The following FCHO2 variants were observed in gnomAD, a reference collection of about 807,000 sequenced individuals.
FCHO2 encodes FCH and mu domain containing endocytic adaptor 2, also known as F-BAR domain only protein 2.
In FCHO2, 43 loss-of-function variants were observed where a neutral mutation model predicts 114.1. The observed-to-expected ratio is 0.38, with a 90% CI of 0.30 to 0.49. The LOEUF (loss-of-function observed/expected upper bound fraction) is 0.49. Ranked by LOEUF, FCHO2 falls within the 20% of genes least tolerant of loss-of-function variation. The probability of loss-of-function intolerance (pLI) is 0.97; values close to 1 mark genes in which losing one functional copy is unlikely to be tolerated. For synonymous variants in FCHO2, 293 were observed against 315.2 expected, an observed-to-expected ratio of 0.93 and a Z score of 0.75; for missense variants, 807 against 950.4, an observed-to-expected ratio of 0.85 and a Z score of 1.98.
chr5:72,991,055 C>T (rs1222907918), intron 5 of FCHO2, among the ~76,000 whole-genome samples, 191 bp downstream of exon 5: 5 of 152,072 alleles, frequency 3.3e-5, no homozygotes, highest in Non-Finnish European at 7.4e-5. Flanking sequence ...AATAGGTTAG[C>T]GAGCACTAAA....
chr5:72,981,432 T>C (rs1383716223), intron 2 of FCHO2, among the ~76,000 whole-genome samples: 2 of 152,230 alleles, frequency 1.3e-5, no homozygotes, highest in Non-Finnish European at 2.9e-5. Context: ...TTGGGGTTGC[T>C]CTTCTCGAGG....
chr5:73,067,053 A>G (rs1216997335), intron 18 of FCHO2, among the ~76,000 whole-genome samples: 1 of 152,082 alleles, frequency 6.6e-6, no homozygotes, highest in African/African-American at 2.4e-5. Context: ...ATGAGATTTT[A>G]CATTCCTTTT....
intron 11 of FCHO2, among the ~76,000 whole-genome samples, chr5:73,043,157 C>T (rs1248381481): frequency 6.6e-6 from 1 of 151,996 alleles, no homozygotes; most frequent in Non-Finnish European, 1.5e-5. Context: ...GTCTTGACCT[C>T]CTGGCTTCAA....
chr5:72,999,579 C>T (rs1377924772), intron 5 of FCHO2, among the ~76,000 whole-genome samples: 1 of 152,018 alleles, frequency 6.6e-6, no homozygotes, highest in African/African-American at 2.4e-5. Context: ...GATGGGATTT[C>T]ACCTTGTTGG....
At chr5:72,980,087 C>T (rs1263324360) in intron 2 of FCHO2, among the ~76,000 whole-genome samples, 1 of 152,182 alleles carries the variant, frequency 6.6e-6, no homozygotes, top group Non-Finnish European at 1.5e-5. Flanking sequence ...GCATTTAGTG[C>T]TATAAATTTC....
At chr5:73,028,646 C>CTTTTTTTT (rs1177312773) in intron 8 of FCHO2, among the ~76,000 whole-genome samples, 10 of 112,168 alleles carry the variant, frequency 8.9e-5, no homozygotes, top group South Asian at 3.1e-4. Flanking sequence ...TTATATGATT[C>CTTTTTTTT]TTTTTTTTTT....
intron 9 of FCHO2, among the ~76,000 whole-genome samples, chr5:73,035,844 T>G (rs543594677): frequency 6.6e-6 from 1 of 152,106 alleles, no homozygotes; most frequent in South Asian, 2.1e-4. Flanking sequence ...AAGTTTTAAG[T>G]GCTGAATTCT....
At chr5:73,077,251 C>G (rs1049127044) in intron 20 of FCHO2, 87 bp from the exon 21 acceptor site, 65 of 1,199,440 alleles carry the variant, frequency 5.4e-5, no homozygotes, top group Non-Finnish European at 1.1e-5. Flanking sequence ...TGTGTGCGCA[C>G]GTGCACGCGT....
chr5:73,058,405 A>C lies in FCHO2; in HGVS notation c.1254-28A>C, dbSNP rs961902392. The C allele has an allele frequency of 8.1e-6, 12 of 1,482,290 alleles. No individual in the cohort carries two copies. The African/African-American group carries it at 1.7e-4, about 21-fold the overall frequency. The allele number at this position is 1,482,290 out of a possible 1,614,324, so 91.8% of individuals were successfully genotyped here. The stretch of plus-strand genomic sequence containing the variant: ...ATACTAATAAAATATTCTCGTTAAA[A>C]TTTTTGCTTTTAAAAATATTATGGT... On this transcript the variant is annotated intron_variant, in intron 16 of 25. Coordinates refer to ENST00000430046, the MANE Select transcript of FCHO2 (RefSeq NM_138782.3).
chr5:73,050,294 C>CTATCTATCTATTTATT (rs550283829), intron 11 of FCHO2, among the ~76,000 whole-genome samples: 4 of 123,522 alleles, frequency 3.2e-5, no homozygotes, highest in African/African-American at 1.1e-4. Flanking sequence ...TAGCTTTCTG[C>CTATCTATCTATTTATT]TATTTATTTA....
chr5:73,078,557 C>T (rs1475013190), intron 22 of FCHO2, among the ~76,000 whole-genome samples: 2 of 152,132 alleles, frequency 1.3e-5, no homozygotes, highest in Admixed American at 1.3e-4. Context: ...GCTGAAAAGA[C>T]TAGCAGTATC....
chr5:72,961,651 A>G (rs916924203), intron 1 of FCHO2, among the ~76,000 whole-genome samples: 8 of 151,554 alleles, frequency 5.3e-5, no homozygotes, highest in African/African-American at 1.9e-4. Flanking sequence ...CTGGAGTGCA[A>G]TGGCGCGATC....
At chr5:72,977,773 C>A (rs887736459) in intron 2 of FCHO2, among the ~76,000 whole-genome samples, 1 of 151,970 alleles carries the variant, frequency 6.6e-6, no homozygotes, top group Non-Finnish European at 1.5e-5. Context: ...AAGTGTTTAG[C>A]CCATCTTGAG....
intron 6 of FCHO2, among the ~76,000 whole-genome samples, chr5:73,011,817 A>C (rs1321159267): frequency 6.6e-6 from 1 of 152,062 alleles, no homozygotes; most frequent in African/African-American, 2.4e-5. Flanking sequence ...AGGCTCAGGC[A>C]TGAAATCACT....
chr5:72,988,813 A>T (rs955828815), intron 2 of FCHO2, among the ~76,000 whole-genome samples: 7 of 152,248 alleles, frequency 4.6e-5, no homozygotes, highest in Admixed American at 1.3e-4. Context: ...ATCACAGTGA[A>T]CCAGCTTACA....
intron 5 of FCHO2, among the ~76,000 whole-genome samples, chr5:72,999,325 A>G (rs957235898): frequency 6.6e-6 from 1 of 151,354 alleles, no homozygotes; most frequent in Non-Finnish European, 1.5e-5. Flanking sequence ...AAAAACATAA[A>G]TACTATAGGT....
chr5:73,024,707 G>A (rs566959273), intron 8 of FCHO2, among the ~76,000 whole-genome samples: 2 of 152,018 alleles, frequency 1.3e-5, no homozygotes, highest in Admixed American at 6.6e-5. Flanking sequence ...AAAGTGCTGG[G>A]ATTACAGGTG....
At chr5:72,990,330 T>G (rs975513172) in intron 3 of FCHO2, 148 bp from the exon 4 acceptor site, 1 of 615,166 alleles carries the variant, frequency 1.6e-6, no homozygotes, top group African/African-American at 2.0e-5. Context: ...GGTCAGTCTG[T>G]CAATCATTTT....
chr5:73,079,225 G>A (rs1418438971), intron 22 of FCHO2, among the ~76,000 whole-genome samples: 5 of 152,022 alleles, frequency 3.3e-5, no homozygotes, highest in East Asian at 1.9e-4. Context: ...TTAGCCTCCC[G>A]AGTGACTGGG....
Sources: allele counts gnomAD v4.1 joint callset (sites outside exome capture counted in the v4.1 genomes callset), GRCh38; gene constraint gnomAD v4.1.1; transcripts MANE v1.5; gene names NCBI Gene and HGNC (gene_info 2026-07-23, HGNC 2026-07-21).